The following HERC3 variants were observed in gnomAD, a reference collection of about 807,000 sequenced individuals.
HERC3 encodes HECT and RLD domain containing E3 ubiquitin protein ligase 3.
A neutral mutation model predicts 129.9 loss-of-function variants in HERC3; 58 were observed. The ratio of observed to expected loss-of-function variants is 0.45; its 90% CI spans 0.36 to 0.56. HERC3 has a LOEUF of 0.56. Ranked by LOEUF, HERC3 falls within the 20% of genes least tolerant of loss-of-function variation. HERC3 has a pLI of 0.00. For missense variants in HERC3, 835 were observed against 1,244.2 expected, an observed-to-expected ratio of 0.67 and a Z score of 4.95; for synonymous variants, 430 against 451.0, an observed-to-expected ratio of 0.95 and a Z score of 0.59.
chr4:88,655,372 G>T, intron 8 of HERC3, 68 bp downstream of exon 8: 1 of 1,556,726 alleles, frequency 6.4e-7, no homozygotes, highest in Non-Finnish European at 8.8e-7. Context: ...TTGTAGTGAT[G>T]AAGAATGTGA....
chr4:88,656,145 A>T, intron 9 of HERC3, 110 bp downstream of exon 9: 1 of 1,045,862 alleles, frequency 9.6e-7, no homozygotes, highest in South Asian at 1.6e-5. Context: ...GAATGAAGAT[A>T]AGGTATTTTT....
At chr4:88,558,318 C>A in the HERC3 span, among the ~76,000 whole-genome samples, 3 of 152,086 alleles carry the variant, frequency 2.0e-5, no homozygotes, top group Non-Finnish European at 2.9e-5. Context: ...TACTACTCAG[C>A]CACAAAACAG....
At chr4:88,534,486 T>C in the HERC3 span, among the ~76,000 whole-genome samples, 1 of 111,354 alleles carries the variant, frequency 9.0e-6, no homozygotes, top group East Asian at 3.1e-4. Context: ...AACAGTTTTG[T>C]TTTTTTTTTC....
intron 3 of HERC3, among the ~76,000 whole-genome samples, chr4:88,633,244 C>T (rs564162027): frequency 2.0e-5 from 3 of 152,022 alleles, no homozygotes; most frequent in Non-Finnish European, 4.4e-5. Context: ...GTTTTTCAGA[C>T]AGAAGGGAAA....
intron 6 of HERC3, among the ~76,000 whole-genome samples, chr4:88,653,720 A>G (rs60789871): frequency 6.6e-6 from 1 of 152,174 alleles, no homozygotes; most frequent in African/African-American, 2.4e-5. Context: ...AGATGAGGCC[A>G]GTTGGTTTTG....
intron 16 of HERC3, 94 bp from the exon 17 acceptor site, chr4:88,676,124 G>A: frequency 1.1e-6 from 1 of 914,922 alleles, no homozygotes; most frequent in Non-Finnish European, 1.7e-6. Flanking sequence ...AGTCAGATTG[G>A]TTCTGTGTTT....
At chr4:88,666,813 G>T (rs1731092434) in intron 12 of HERC3, among the ~76,000 whole-genome samples, 1 of 152,216 alleles carries the variant, frequency 6.6e-6, no homozygotes, top group South Asian at 2.1e-4. Flanking sequence ...TTGGGTGAAT[G>T]TAATTGTATC....
intron 3 of HERC3, among the ~76,000 whole-genome samples, chr4:88,639,085 T>TA (rs1727777967): frequency 6.6e-6 from 1 of 152,020 alleles, no homozygotes; most frequent in African/African-American, 2.4e-5. Flanking sequence ...TTCAAGGAAA[T>TA]AAGAGAGGAC....
chr4:88,705,869 G>C (rs1342367632), intron 25 of HERC3, among the ~76,000 whole-genome samples: 2 of 152,152 alleles, frequency 1.3e-5, no homozygotes, highest in African/African-American at 4.8e-5. Flanking sequence ...ATGAGAGGAA[G>C]TGGAGATCTT....
intron 21 of HERC3, among the ~76,000 whole-genome samples, chr4:88,685,356 A>G (rs914095398): frequency 1.3e-5 from 2 of 152,228 alleles, no homozygotes; most frequent in African/African-American, 4.8e-5. Flanking sequence ...CCAAATGCCC[A>G]TCAATGATAG....
At chr4:88,701,803 ATTTT>A (rs34857474) in intron 23 of HERC3, among the ~76,000 whole-genome samples, 2 of 140,328 alleles carry the variant, frequency 1.4e-5, no homozygotes, top group South Asian at 2.3e-4. Context: ...GTTAAAACAG[ATTTT>A]TTTTTTTTTT....
At chr4:88,573,509 G>T in the HERC3 span, among the ~76,000 whole-genome samples, 1 of 152,196 alleles carries the variant, frequency 6.6e-6, no homozygotes, top group South Asian at 2.1e-4. Flanking sequence ...TGGGATAGAT[G>T]ATAGGATGGT....
Position 88,669,924 on chromosome 4 carries a change from A to T in HERC3, c.1698A>T (p.Ala566=), listed in dbSNP as rs766457622. The part of the protein sequence containing the change: ...FMKLVNLYKG[A]VLYLLRGRKT... ...AGCTGGTAAACCTCTATAAAGGTGC[A>T]GTCCTTTATCTACTGAGGGGAAGAA... The change falls in exon 15 of 26, where the codon GCA becomes GCT. Residue 566 remains alanine (A), a synonymous_variant. Transcript: ENST00000402738. The T allele has an allele frequency of 6.2e-7, 1 of 1,611,150 alleles. No homozygotes were observed. The highest frequency in any genetic ancestry group is 8.5e-7 in the Non-Finnish European group (1 of 1,177,262).
At chr4:88,664,128 C>T in intron 11 of HERC3, 25 bp from the exon 12 acceptor site, 1 of 1,595,550 alleles carries the variant, frequency 6.3e-7, no homozygotes, top group Non-Finnish European at 8.6e-7. Flanking sequence ...TAAAGGCTTC[C>T]CCCTCCCTTC....
chr4:88,609,676 A>G (rs896027542), intron 3 of HERC3, among the ~76,000 whole-genome samples: 2 of 152,214 alleles, frequency 1.3e-5, no homozygotes, highest in Non-Finnish European at 2.9e-5. Context: ...AGAAGACACC[A>G]CAAAACTGCT....
At chr4:88,660,891 T>C (rs1730425333) in intron 10 of HERC3, among the ~76,000 whole-genome samples, 1 of 152,224 alleles carries the variant, frequency 6.6e-6, no homozygotes, top group Non-Finnish European at 1.5e-5. Flanking sequence ...ATCAGGATTA[T>C]TGAACGCTCC....
intron 3 of HERC3, among the ~76,000 whole-genome samples, chr4:88,624,401 A>G (rs544651404): frequency 6.6e-6 from 1 of 152,274 alleles, no homozygotes; most frequent in African/African-American, 2.4e-5. Context: ...AGTCTTTTAA[A>G]TTTTAGCCAT....
chr4:88,697,192 C>T (rs768680285), intron 23 of HERC3: 10 of 1,484,048 alleles, frequency 6.7e-6, no homozygotes, highest in Non-Finnish European at 8.9e-7. Flanking sequence ...TCTCTTCATC[C>T]ATCTCTGCCC....
At chr4:88,565,961 C>A in the HERC3 span, among the ~76,000 whole-genome samples, 1 of 151,448 alleles carries the variant, frequency 6.6e-6, no homozygotes, top group Admixed American at 6.6e-5. Context: ...TTTTCCAACT[C>A]TTGTTTCCAT....
Sources: gnomAD v4.1 joint callset for allele counts (sites outside exome capture counted in the v4.1 genomes callset) on GRCh38, gnomAD v4.1.1 for gene constraint, MANE v1.5 for transcripts, NCBI Gene and HGNC (gene_info 2026-07-23, HGNC 2026-07-21) for gene names.